Variants in TTC8 observed in about 807,000 individuals in gnomAD.
The protein encoded by TTC8 is tetratricopeptide repeat protein 8.
TTC8 carries 47 observed loss-of-function variants against 72.5 expected under a neutral mutation model. The ratio of observed to expected loss-of-function variants is 0.65; its 90% CI spans 0.51 to 0.83. The LOEUF is 0.83. TTC8 is among the 40% of genes least tolerant of loss of function. TTC8 has a pLI of 0.00. For synonymous variants in TTC8, 199 were observed against 221.4 expected (o/e 0.90, Z 0.90); for missense variants, 611 against 623.2 (o/e 0.98, Z 0.21).
chr14:88,860,378 A>G (rs2094879958), intron 9 of TTC8, among the ~76,000 whole-genome samples: 1 of 152,220 alleles, frequency 6.6e-6, no homozygotes, highest in South Asian at 2.1e-4. Context: ...CCTATTAAGT[A>G]TATGGTTTAC....
rs1345731665 is a variant in TTC8 at position 88,824,737 on chromosome 14, G to C, written c.30G>C (p.Leu10=). 6.2e-7 allele frequency: 1 copy of C among 1,611,660 alleles called. No individual in the cohort carries two copies. The highest frequency in any genetic ancestry group is 1.1e-5 in the South Asian group (1 of 90,542). Residue 10 remains leucine (L), a synonymous_variant, in exon 1 of 15, where the codon CTG becomes CTC. Coordinates refer to ENST00000380656, the MANE Select transcript of TTC8 (RefSeq NM_144596.4). ...GCTCGGAGATGGAGCCGCTGCTCCT[G>C]GCCTGGAGCTATTTTAGGCGCAGGA... The part of the protein sequence containing the change: MSSEMEPLL[L]AWSYFRRRKF...
intron 3 of TTC8, among the ~76,000 whole-genome samples, chr14:88,840,000 G>A (rs924187854): frequency 6.6e-6 from 1 of 152,166 alleles, no homozygotes; most frequent in African/African-American, 2.4e-5. Context: ...TTTAAAAAAA[G>A]GTCGTTCGAA....
intron 14 of TTC8, among the ~76,000 whole-genome samples, chr14:88,876,858 A>C (rs1332418896): frequency 6.6e-6 from 1 of 152,070 alleles, no homozygotes; most frequent in African/African-American, 2.4e-5. Flanking sequence ...TCTAATCAAA[A>C]TATATTTTTG....
intron 7 of TTC8, among the ~76,000 whole-genome samples, chr14:88,851,470 T>C (rs989230180): frequency 2.0e-5 from 3 of 152,120 alleles, no homozygotes; most frequent in African/African-American, 7.2e-5. Context: ...TTGCATGACA[T>C]CTTTTTCTAA....
chr14:88,860,065 T>C (rs2094878614), intron 9 of TTC8, among the ~76,000 whole-genome samples: 1 of 149,004 alleles, frequency 6.7e-6, no homozygotes, highest in Non-Finnish European at 1.5e-5. Context: ...TTCTTAATTG[T>C]TAATTTAAAA....
intron 1 of TTC8, chr14:88,830,761 A>C (rs1489928372): frequency 4.6e-6 from 2 of 436,964 alleles, no homozygotes; most frequent in African/African-American, 2.0e-5. Flanking sequence ...CGGGTGGATT[A>C]ATTTAAATCA....
chr14:88,860,226 A>G (rs1566850710), intron 9 of TTC8, among the ~76,000 whole-genome samples: 1 of 151,914 alleles, frequency 6.6e-6, no homozygotes, highest in Admixed American at 6.6e-5. Flanking sequence ...AATGATAAAT[A>G]CTTTAGTTTT....
intron 10 of TTC8, among the ~76,000 whole-genome samples, chr14:88,864,528 G>C (rs1341643197): frequency 6.6e-6 from 1 of 152,204 alleles, no homozygotes; most frequent in Admixed American, 6.5e-5. Context: ...TTCCTTCCAA[G>C]CCTCTGTTAC....
At position 88,824,686 on chromosome 14, in the gene TTC8, T is replaced by C. The variant is rs753100922; in HGVS notation, c.-22T>C. The C allele has an allele frequency of 1.0e-5, 16 of 1,580,110 alleles. No individual in the cohort carries two copies. The highest frequency in any genetic ancestry group is 1.3e-5 in the Non-Finnish European group (15 of 1,162,032). ...CACCTCTCTCCTGGAGCGCTGGGCC[T>C]TCGCTGGCCGCACCGGCAGCCATGA... On this transcript the variant is annotated 5_prime_UTR_variant, in exon 1 of 15. Transcript: ENST00000380656.
rs73329008 is a variant in TTC8, at chr14:88,858,502, G to C, written c.798+1225G>C. The stretch of plus-strand genomic sequence containing the variant: ...AAAATGAAAGTTATATAAATTTACT[G>C]TGCTAGTCTTAGTATGTTTTAATGA... On this transcript the variant is annotated intron_variant, in intron 9 of 14. Transcript: ENST00000380656. Among the ~76,000 whole-genome samples the C allele has an allele frequency of 8.7e-3, 1,322 of 152,286 alleles. 15 individuals are homozygous for C. The highest frequency in any genetic ancestry group is 0.03 in the African/African-American group (1,265 of 41,542).
chr14:88,826,386 G>T (rs1322664310), intron 1 of TTC8, among the ~76,000 whole-genome samples: 1 of 151,932 alleles, frequency 6.6e-6, no homozygotes, highest in African/African-American at 2.4e-5. Flanking sequence ...GACCCTTTAC[G>T]TTGGTACAAC....
chr14:88,876,623 T>C (rs1278924520), intron 14 of TTC8, among the ~76,000 whole-genome samples: 1 of 152,104 alleles, frequency 6.6e-6, no homozygotes, highest in Non-Finnish European at 1.5e-5. Flanking sequence ...CTCATAAATA[T>C]ATTATTATGT....
At chr14:88,861,766 T>TTAACATA (rs1387403702) in intron 10 of TTC8, among the ~76,000 whole-genome samples, 2 of 152,162 alleles carry the variant, frequency 1.3e-5, no homozygotes, top group Non-Finnish European at 2.9e-5. Context: ...CTTATTTCAC[T>TTAACATA]TAACATAATG....
chr14:88,857,964 A>AT (rs759334578), intron 9 of TTC8, among the ~76,000 whole-genome samples: 2,786 of 135,850 alleles, frequency 0.021, 25 homozygotes, highest in Non-Finnish European at 0.022. Context: ...TCTTTCTTTC[A>AT]TTTTTTTTTT....
chr14:88,830,251 G>A (rs1278366912), intron 1 of TTC8, among the ~76,000 whole-genome samples: 1 of 152,154 alleles, frequency 6.6e-6, no homozygotes, highest in Non-Finnish European at 1.5e-5. Flanking sequence ...GAACCCTAGG[G>A]TGGAAGGAAG....
chr14:88,844,277 T>C (rs1212349697), intron 7 of TTC8, among the ~76,000 whole-genome samples: 3 of 152,214 alleles, frequency 2.0e-5, no homozygotes, highest in Non-Finnish European at 4.4e-5. Context: ...ATTTCAAACA[T>C]ACAAAAGTAG....
rs2094790718 is a variant in TTC8, at chr14:88,843,279, A to T, written c.580-527A>T. Among the ~76,000 whole-genome samples the T allele has an allele frequency of 2.0e-5, 3 of 152,194 alleles. No individual in the cohort carries two copies. In the South Asian group the frequency reaches 6.2e-4, roughly 31 times the overall value. The stretch of plus-strand genomic sequence containing the variant: ...CTGATATGTGCCCCACCGCCAGGTG[A>T]TTCCAATGTCCAGCTTAGCTGAGTA... On this transcript the variant is annotated intron_variant, in intron 6 of 14. Transcript: ENST00000380656.
At chr14:88,824,397 T>TG (rs1432187000), upstream of TTC8, among the ~76,000 whole-genome samples, 5 of 151,978 alleles carry the variant, frequency 3.3e-5, no homozygotes, top group Non-Finnish European at 7.4e-5. Flanking sequence ...CCTGGGAGGG[T>TG]GGGGGACCCC....
chr14:88,858,749 G>A (rs2094869217), intron 9 of TTC8, among the ~76,000 whole-genome samples: 1 of 143,048 alleles, frequency 7.0e-6, no homozygotes, highest in Admixed American at 7.3e-5. Flanking sequence ...CACCATGCCT[G>A]GATAATTTTT....
Sources: allele counts gnomAD v4.1 joint callset (sites outside exome capture counted in the v4.1 genomes callset), GRCh38; gene constraint gnomAD v4.1.1; transcripts MANE v1.5; gene names NCBI Gene and HGNC (gene_info 2026-07-23, HGNC 2026-07-21).